PTPRG: variants seen among roughly 807,000 people sequenced by gnomAD.
PTPRG encodes the protein protein tyrosine phosphatase receptor type G.
In PTPRG, 102 loss-of-function variants were observed where a neutral mutation model predicts 165.3. That is an observed-to-expected ratio of 0.62 (90% CI 0.53 to 0.73). PTPRG has a LOEUF of 0.73. Ranked by LOEUF, PTPRG falls within the 30% of genes least tolerant of loss-of-function variation. The probability of loss-of-function intolerance (pLI) is 0.00; values close to 1 mark genes in which losing one functional copy is unlikely to be tolerated. For missense variants in PTPRG, 1,866 were observed against 1,861.4 expected, an observed-to-expected ratio of 1.00 and a Z score of -0.05; for synonymous variants, 675 against 669.5, an observed-to-expected ratio of 1.01 and a Z score of -0.13.
chr3:62,226,636 G>C (rs1489067707), intron 13 of PTPRG, among the ~76,000 whole-genome samples: 1 of 152,226 alleles, frequency 6.6e-6, no homozygotes, highest in Non-Finnish European at 1.5e-5. Flanking sequence ...CTCAAATTCA[G>C]ATAGGACTGA....
At chr3:62,277,457 A>G (rs755416747) in intron 25 of PTPRG, 94 bp from the exon 26 acceptor site, 67 of 1,387,270 alleles carry the variant, frequency 4.8e-5, no homozygotes, top group Non-Finnish European at 6.6e-5. Flanking sequence ...TGTAGTCAAA[A>G]CAGTGCTATC....
At chr3:61,830,493 G>A (rs2036249274) in intron 2 of PTPRG, among the ~76,000 whole-genome samples, 2 of 150,948 alleles carry the variant, frequency 1.3e-5, no homozygotes, top group South Asian at 2.1e-4. Context: ...TGACAGATTT[G>A]TCCACAATGT....
intron 28 of PTPRG, among the ~76,000 whole-genome samples, chr3:62,287,698 C>T (rs1702721520): frequency 6.6e-6 from 1 of 152,148 alleles, no homozygotes; most frequent in Non-Finnish European, 1.5e-5. Context: ...AGTTCTTAAA[C>T]TGAGCGACCA....
intron 1 of PTPRG, among the ~76,000 whole-genome samples, chr3:61,737,290 T>A (rs1483022167): frequency 6.6e-6 from 1 of 152,190 alleles, no homozygotes; most frequent in Non-Finnish European, 1.5e-5. Context: ...TATACAAGTT[T>A]TGCTTTATGT....
intron 5 of PTPRG, among the ~76,000 whole-genome samples, chr3:62,085,493 A>C (rs1368314228): frequency 6.6e-6 from 1 of 152,210 alleles, no homozygotes; most frequent in Non-Finnish European, 1.5e-5. Flanking sequence ...GTTTCCCAAT[A>C]AAATGCGTTT....
At chr3:62,027,163 C>T (rs67177777) in intron 4 of PTPRG, among the ~76,000 whole-genome samples, 36,265 of 151,834 alleles carry the variant, frequency 0.24, 4,660 homozygotes, top group Middle Eastern at 0.37. Flanking sequence ...CTGGGGATGA[C>T]GCTTGTTACA....
intron 5 of PTPRG, among the ~76,000 whole-genome samples, chr3:62,097,397 C>G (rs1442033477): frequency 3.9e-5 from 6 of 152,166 alleles, no homozygotes; most frequent in Non-Finnish European, 5.9e-5. Context: ...ACCGAGTGTT[C>G]TCTAAAGGAC....
intron 6 of PTPRG, among the ~76,000 whole-genome samples, chr3:62,135,526 C>T (rs927911535): frequency 1.3e-5 from 2 of 152,028 alleles, no homozygotes; most frequent in African/African-American, 2.4e-5. Context: ...GTTAATTTCT[C>T]ATTAATTTTT....
chr3:62,028,032 C>G (rs1699628000), intron 4 of PTPRG, among the ~76,000 whole-genome samples: 1 of 152,084 alleles, frequency 6.6e-6, no homozygotes, highest in Admixed American at 6.6e-5. Flanking sequence ...GCATTTAAGG[C>G]TTGAAAAATG....
At chr3:62,062,342 C>G (rs1461373497) in intron 4 of PTPRG, among the ~76,000 whole-genome samples, 1 of 152,046 alleles carries the variant, frequency 6.6e-6, no homozygotes, top group Non-Finnish European at 1.5e-5. Flanking sequence ...GCAGGATGAA[C>G]TGTTGTTTGA....
chr3:61,592,880 C>T (rs1053904444), intron 1 of PTPRG, among the ~76,000 whole-genome samples: 1 of 152,010 alleles, frequency 6.6e-6, no homozygotes, highest in African/African-American at 2.4e-5. Context: ...TGGGGCATGG[C>T]CCCATCCTTG....
At chr3:61,824,940 T>C (rs2036063153) in intron 2 of PTPRG, among the ~76,000 whole-genome samples, 1 of 152,182 alleles carries the variant, frequency 6.6e-6, no homozygotes, top group South Asian at 2.1e-4. Flanking sequence ...AAAACCCTTG[T>C]GGATATGTGT....
chr3:62,066,128 A>T (rs1701005460), intron 4 of PTPRG, among the ~76,000 whole-genome samples: 1 of 152,240 alleles, frequency 6.6e-6, no homozygotes, highest in South Asian at 2.1e-4. Context: ...ACAACCAACT[A>T]GATCTACACC....
At chr3:62,020,491 C>T (rs965824727) in intron 4 of PTPRG, among the ~76,000 whole-genome samples, 1 of 152,182 alleles carries the variant, frequency 6.6e-6, no homozygotes, top group Non-Finnish European at 1.5e-5. Context: ...CAAAGTAATT[C>T]ACACAATATG....
intron 1 of PTPRG, 106 bp downstream of exon 1, chr3:61,562,478 G>T: frequency 9.9e-7 from 1 of 1,012,428 alleles, no homozygotes; most frequent in Non-Finnish European, 1.5e-6. Context: ...AGACCCTGGA[G>T]AGGGTGGAGG....
chr3:62,168,254 G>A (rs1027782586), intron 8 of PTPRG, 91 bp downstream of exon 8: 2 of 1,267,368 alleles, frequency 1.6e-6, no homozygotes, highest in Non-Finnish European at 2.2e-6. Flanking sequence ...CCAGGAATTG[G>A]GACTTGGTGT....
At chr3:62,206,979 G>A (rs1700248292) in intron 12 of PTPRG, among the ~76,000 whole-genome samples, 2 of 148,376 alleles carry the variant, frequency 1.3e-5, no homozygotes, top group Non-Finnish European at 3.0e-5. Context: ...GTAAATCAGA[G>A]CTTTCCCTTA....
intron 1 of PTPRG, among the ~76,000 whole-genome samples, chr3:61,579,283 C>T (rs961220052): frequency 1.3e-5 from 2 of 152,154 alleles, no homozygotes; most frequent in African/African-American, 2.4e-5. Context: ...GCTCCCTCTC[C>T]CCGTGTCCCT....
In PTPRG at chr3:61,853,728, A is replaced by G. The variant is rs191501052; in HGVS notation, c.190+104746A>G. Among the ~76,000 whole-genome samples the G allele has an allele frequency of 1.0e-3, 157 of 152,342 alleles. 3 individuals carry two copies. The East Asian group carries it at 0.021, about 20-fold the overall frequency. On this transcript the variant is annotated intron_variant, in intron 2 of 29. Coordinates refer to ENST00000474889, the MANE Select transcript of PTPRG (RefSeq NM_002841.4). ...TTTAGTTACACAGCATATGACAACT[A>G]AGATGCAGAGTGCTAGGAAAGTCTT...
Sources: gnomAD v4.1 joint callset for allele counts (sites outside exome capture counted in the v4.1 genomes callset) on GRCh38, gnomAD v4.1.1 for gene constraint, MANE v1.5 for transcripts, NCBI Gene and HGNC (gene_info 2026-07-23, HGNC 2026-07-21) for gene names.